ASTN2: variants seen among roughly 807,000 people sequenced by gnomAD.
ASTN2 encodes astrotactin 2.
In ASTN2, 54 loss-of-function variants were observed where a neutral mutation model predicts 139.8. The ratio of observed to expected loss-of-function variants is 0.39; its 90% CI spans 0.31 to 0.48. The LOEUF (loss-of-function observed/expected upper bound fraction) is 0.48. Ranked by LOEUF, ASTN2 falls within the 20% of genes least tolerant of loss-of-function variation. The pLI is 0.95. For synonymous variants in ASTN2, 756 were observed against 719.5 expected (o/e 1.05, Z -0.81); for missense variants, 1,565 against 1,725.1 (o/e 0.91, Z 1.64).
At chr9:116,592,970 C>A (rs192218133) in intron 19 of ASTN2, among the ~76,000 whole-genome samples, 2 of 152,330 alleles carry the variant, frequency 1.3e-5, no homozygotes, top group Admixed American at 6.5e-5. Flanking sequence ...TAAAATTTTT[C>A]AGGCAATGAT....
intron 10 of ASTN2, among the ~76,000 whole-genome samples, chr9:116,940,178 C>T (rs369476000): frequency 1.4e-4 from 22 of 152,300 alleles, no homozygotes; most frequent in African/African-American, 3.8e-4. Context: ...AACTCCTGGC[C>T]TCAAGTGAGC....
intron 1 of ASTN2, among the ~76,000 whole-genome samples, chr9:117,304,319 C>T (rs1387510311): frequency 2.0e-5 from 3 of 152,188 alleles, no homozygotes; most frequent in East Asian, 1.9e-4. Flanking sequence ...CTGCTCTGTG[C>T]GTGTCACGCT....
chr9:116,446,255 G>GGAGAGAGAGA (rs373227100), intron 20 of ASTN2, among the ~76,000 whole-genome samples: 225 of 113,870 alleles, frequency 2.0e-3, no homozygotes, highest in Admixed American at 3.1e-3. Context: ...GAGGGGAGAG[G>GGAGAGAGAGA]GAGAGAGAGA....
chr9:116,595,397 G>A (rs963496082), intron 19 of ASTN2, among the ~76,000 whole-genome samples: 2 of 151,662 alleles, frequency 1.3e-5, no homozygotes, highest in Non-Finnish European at 2.9e-5. Context: ...GTGTGATCTC[G>A]GCTCACTACA....
chr9:117,341,909 G>A (rs998997444), intron 1 of ASTN2, among the ~76,000 whole-genome samples: 1 of 152,160 alleles, frequency 6.6e-6, no homozygotes, highest in African/African-American at 2.4e-5. Flanking sequence ...TGTTCCAGAA[G>A]TTGTTTTCAA....
At chr9:116,593,581 C>G (rs1156788355) in intron 19 of ASTN2, among the ~76,000 whole-genome samples, 1 of 152,200 alleles carries the variant, frequency 6.6e-6, no homozygotes, top group African/African-American at 2.4e-5. Flanking sequence ...TGATAGTTCA[C>G]CTGCATCTAG....
chr9:117,346,368 C>T (rs559826718), intron 1 of ASTN2, among the ~76,000 whole-genome samples: 2 of 152,226 alleles, frequency 1.3e-5, no homozygotes, highest in South Asian at 4.1e-4. Context: ...GTAGAATGTA[C>T]AGAATTCAGA....
chr9:116,899,163 T>G (rs1167431934), intron 10 of ASTN2, among the ~76,000 whole-genome samples: 1 of 152,206 alleles, frequency 6.6e-6, no homozygotes, highest in African/African-American at 2.4e-5. Context: ...TTTGTGGGTA[T>G]CAGTGATTAT....
At chr9:116,500,665 T>A (rs1403571687) in intron 19 of ASTN2, among the ~76,000 whole-genome samples, 4 of 152,226 alleles carry the variant, frequency 2.6e-5, no homozygotes, top group Non-Finnish European at 5.9e-5. Flanking sequence ...GCTAAATGAT[T>A]CTAAGCAAGT....
chr9:116,791,245 G>T (rs1407120467), intron 13 of ASTN2, among the ~76,000 whole-genome samples: 1 of 152,142 alleles, frequency 6.6e-6, no homozygotes. Context: ...TAAAGCCAGG[G>T]CTAGAACTTC....
chr9:116,846,603 G>A (rs993299537), intron 11 of ASTN2, among the ~76,000 whole-genome samples: 1 of 152,164 alleles, frequency 6.6e-6, no homozygotes, highest in African/African-American at 2.4e-5. Context: ...ATATATGCTG[G>A]CTACTTTTCC....
chr9:117,260,765 G>A (rs1034456950), intron 2 of ASTN2, among the ~76,000 whole-genome samples: 1 of 152,128 alleles, frequency 6.6e-6, no homozygotes, highest in Non-Finnish European at 1.5e-5. Context: ...AGCTTTCTCT[G>A]TTGTGGAATG....
At chr9:117,351,810 G>T (rs1176737063) in intron 1 of ASTN2, among the ~76,000 whole-genome samples, 1 of 152,054 alleles carries the variant, frequency 6.6e-6, no homozygotes, top group Non-Finnish European at 1.5e-5. Flanking sequence ...TTGGATGGGG[G>T]GTGCTATAGC....
chr9:116,782,447 T>C (rs76511072), intron 13 of ASTN2, among the ~76,000 whole-genome samples: 1,916 of 152,272 alleles, frequency 0.013, 8 homozygotes, highest in Non-Finnish European at 0.017. Flanking sequence ...TCTGCCTTTT[T>C]TGGCACCTCT....
At chr9:116,805,934 G>A in intron 12 of ASTN2, 114 bp from the exon 13 acceptor site, 1 of 1,008,602 alleles carries the variant, frequency 9.9e-7, no homozygotes. Context: ...TTAGGAAGGA[G>A]ACAGCTATTC....
intron 19 of ASTN2, among the ~76,000 whole-genome samples, chr9:116,512,846 T>C (rs1587915007): frequency 6.6e-6 from 1 of 152,206 alleles, no homozygotes; most frequent in East Asian, 1.9e-4. Context: ...TGTTTTCCAT[T>C]TGCTTGGCAG....
intron 19 of ASTN2, among the ~76,000 whole-genome samples, chr9:116,588,387 G>C (rs563313148): frequency 6.6e-6 from 1 of 152,250 alleles, no homozygotes; most frequent in African/African-American, 2.4e-5. Flanking sequence ...ACAGACCTGG[G>C]AACCGATAGT....
At chr9:116,634,686 T>C (rs1359070631) in intron 17 of ASTN2, among the ~76,000 whole-genome samples, 1 of 151,920 alleles carries the variant, frequency 6.6e-6, no homozygotes, top group African/African-American at 2.4e-5. Flanking sequence ...AAGGCACATC[T>C]ACACTCACTT....
chr9:117,193,518 A>G (rs895815947), intron 3 of ASTN2, among the ~76,000 whole-genome samples: 4 of 151,270 alleles, frequency 2.6e-5, no homozygotes, highest in African/African-American at 9.7e-5. Context: ...CACACCTGTA[A>G]TCCCAGCTAC....
Sources: allele counts gnomAD v4.1 joint callset (sites outside exome capture counted in the v4.1 genomes callset), GRCh38; gene constraint gnomAD v4.1.1; transcripts MANE v1.5; gene names NCBI Gene and HGNC (gene_info 2026-07-23, HGNC 2026-07-21).